Variants in ANK2 observed in about 807,000 individuals in gnomAD.
The protein encoded by ANK2 is ankyrin-2.
A neutral mutation model predicts 360.5 loss-of-function variants in ANK2; 83 were observed. The observed-to-expected ratio is 0.23, with a 90% CI of 0.19 to 0.28. The LOEUF (loss-of-function observed/expected upper bound fraction) is 0.28. Ranked by LOEUF, ANK2 falls within the 10% of genes least tolerant of loss-of-function variation. The pLI is 1.00. For missense variants in ANK2, 4,201 were observed against 4,795.7 expected (o/e 0.88, Z 3.66); for synonymous variants, 1,740 against 1,759.5 (o/e 0.99, Z 0.28).
chr4:112,764,893 A>G, the ANK2 span, among the ~76,000 whole-genome samples: 1 of 151,072 alleles, frequency 6.6e-6, no homozygotes, highest in Non-Finnish European at 1.5e-5. Flanking sequence ...TTTAGTAGAG[A>G]CGGAGTTTCT....
At chr4:113,045,451 T>C (rs546294149), upstream of ANK2, among the ~76,000 whole-genome samples, 7 of 152,324 alleles carry the variant, frequency 4.6e-5, no homozygotes, top group Admixed American at 4.6e-4. Flanking sequence ...CTGATGAACT[T>C]AAGCTCTATA....
the ANK2 span, among the ~76,000 whole-genome samples, chr4:112,743,386 T>A: frequency 6.6e-6 from 1 of 152,216 alleles, no homozygotes; most frequent in Non-Finnish European, 1.5e-5. Flanking sequence ...ATGATGTCTT[T>A]TATAGTTCTC....
the ANK2 span, among the ~76,000 whole-genome samples, chr4:112,750,528 T>C: frequency 5.9e-5 from 9 of 152,078 alleles, no homozygotes; most frequent in Non-Finnish European, 2.9e-5. Context: ...CAATAGACTA[T>C]ACTGTTATGG....
chr4:113,122,067 T>A (rs1405271492), intron 1 of ANK2, among the ~76,000 whole-genome samples: 1 of 152,168 alleles, frequency 6.6e-6, no homozygotes, highest in African/African-American at 2.4e-5. Flanking sequence ...AACTTTGGAA[T>A]TGTGTTATAA....
At chr4:112,819,161 TAA>T (rs34198468) in intron 1 of ANK2, among the ~76,000 whole-genome samples, 14,837 of 152,082 alleles carry the variant, frequency 0.098, 1,040 homozygotes, top group African/African-American at 0.2. Context: ...CATATAACAT[TAA>T]GTTTGCTTTA....
intron 2 of ANK2, among the ~76,000 whole-genome samples, chr4:112,974,094 G>T (rs1487918906): frequency 6.6e-6 from 1 of 152,192 alleles, no homozygotes; most frequent in Non-Finnish European, 1.5e-5. Context: ...ATTGGAAAGA[G>T]GCCAGGAGAC....
rs1215585753 is a variant in ANK2, at chr4:113,357,466, C to T, written c.8848C>T (p.His2950Tyr). 21 of 1,614,014 alleles carry T rather than the reference C, an allele frequency of 1.3e-5. No individual in the cohort carries two copies. In the East Asian group the frequency reaches 3.6e-4, roughly 27 times the overall value. ...AAGCAAAACCCAAACAGATGCAAAT[C>T]ACACCACAAGTTTTCACTCTTCTGA... ...EESKTQTDAN[H>Y]TTSFHSSEVY... Residue 2950 changes from histidine (H) to tyrosine (Y), a missense_variant, in exon 38 of 46, where the codon CAC becomes TAC. His to Tyr is a moderately conservative substitution (Grantham distance 83). Around this residue, in one of 4 missense-constraint regions of ANK2, gnomAD observed 2,642 missense variants for 2,714.5 expected, o/e 0.97. Transcript: ENST00000357077.
At chr4:112,763,281 G>A in the ANK2 span, among the ~76,000 whole-genome samples, 1 of 151,628 alleles carries the variant, frequency 6.6e-6, no homozygotes, top group Admixed American at 6.6e-5. Context: ...CCAGGCTGGA[G>A]TGCAGTGGGC....
chr4:113,001,875 T>C (rs1561487699), intron 2 of ANK2, among the ~76,000 whole-genome samples: 1 of 152,286 alleles, frequency 6.6e-6, no homozygotes, highest in South Asian at 2.1e-4. Flanking sequence ...CATTTCCATG[T>C]AGTTATTTCT....
At chr4:112,961,765 A>G (rs2034947048) in intron 2 of ANK2, among the ~76,000 whole-genome samples, 1 of 152,144 alleles carries the variant, frequency 6.6e-6, no homozygotes, top group African/African-American at 2.4e-5. Context: ...TGCTAATATG[A>G]CTATAATGAC....
At position 113,258,130 on chromosome 4, in the gene ANK2, A is replaced by G. The variant is rs1381534555; in HGVS notation, c.1269A>G (p.Ser423=). The change falls in exon 12 of 46, where the codon TCA becomes TCG. Residue 423 remains serine (S), a synonymous_variant. Transcript: ENST00000357077. ...VMELLVKYGA[S]IQAITESGLT... ...AACTGCTGGTGAAATATGGGGCTTCAATCCAAGCTATAACAGAGGTAGAAA... is the reference window on the plus strand; with the variant it reads ...AACTGCTGGTGAAATATGGGGCTTCGATCCAAGCTATAACAGAGGTAGAAA... The G allele has an allele frequency of 1.9e-6, 3 of 1,613,756 alleles. No individual in the cohort carries two copies. In the Admixed American group the frequency reaches 5.0e-5, roughly 27 times the overall value.
chr4:113,360,912 AC>A lies in ANK2; in HGVS notation c.10756+18del. ...CAGCTGGACAGGTAAAAAGAATGTG[AC>A]CCAGGTTTTCAACAAAACCTGACAT... On this transcript the variant is annotated intron_variant, in intron 39 of 45. Coordinates refer to ENST00000357077, the MANE Select transcript of ANK2 (RefSeq NM_001148.6). The A allele has an allele frequency of 6.2e-7, 1 of 1,609,646 alleles. No individual in the cohort carries two copies. The highest frequency in any genetic ancestry group is 8.5e-7 in the Non-Finnish European group (1 of 1,177,556).
intron 1 of ANK2, among the ~76,000 whole-genome samples, chr4:113,107,273 G>A (rs138751313): frequency 0.012 from 1,751 of 152,210 alleles, 35 homozygotes; most frequent in African/African-American, 0.038. Flanking sequence ...TTGGAGTGCA[G>A]TAGCGTGATA....
At chr4:113,139,955 C>A (rs1392933105) in intron 1 of ANK2, among the ~76,000 whole-genome samples, 3 of 152,162 alleles carry the variant, frequency 2.0e-5, no homozygotes, top group African/African-American at 7.2e-5. Context: ...CAGTAAAAGT[C>A]ATTTATATTG....
the ANK2 span, among the ~76,000 whole-genome samples, chr4:112,729,564 T>A: frequency 6.6e-6 from 1 of 151,840 alleles, no homozygotes; most frequent in African/African-American, 2.4e-5. Flanking sequence ...GAGACCAACA[T>A]GGCAAAACCC....
At chr4:113,271,957 C>G (rs1228639584) in intron 14 of ANK2, among the ~76,000 whole-genome samples, 1 of 152,194 alleles carries the variant, frequency 6.6e-6, no homozygotes, top group Non-Finnish European at 1.5e-5. Context: ...CATCTGGGAG[C>G]TCTCTTGCTT....
At chr4:113,163,764 C>CAAAAAAAAA (rs1158530849) in intron 1 of ANK2, among the ~76,000 whole-genome samples, 24 of 55,038 alleles carry the variant, frequency 4.4e-4, no homozygotes, top group Admixed American at 7.4e-4. Flanking sequence ...AACTTCGTCT[C>CAAAAAAAAA]AAAAAAAAAA....
the ANK2 span, among the ~76,000 whole-genome samples, chr4:112,766,615 C>T: frequency 6.6e-6 from 1 of 152,110 alleles, no homozygotes; most frequent in Admixed American, 6.6e-5. Flanking sequence ...AAGGCTTTCT[C>T]CTCAAGGTGG....
chr4:113,082,896 G>C (rs907612258), intron 1 of ANK2, among the ~76,000 whole-genome samples: 2 of 152,058 alleles, frequency 1.3e-5, no homozygotes, highest in African/African-American at 2.4e-5. Context: ...AGCCATCTTT[G>C]TAAAAGTGAT....
Sources: allele counts gnomAD v4.1 joint callset (sites outside exome capture counted in the v4.1 genomes callset), GRCh38; gene constraint gnomAD v4.1.1; regional missense constraint gnomAD v4.1.1; transcripts MANE v1.5; gene names NCBI Gene and HGNC (gene_info 2026-07-23, HGNC 2026-07-21).